LEKR1: variants seen among roughly 807,000 people sequenced by gnomAD.
The protein encoded by LEKR1 is leucine, glutamate and lysine rich 1.
Under a neutral mutation model 72.4 loss-of-function variants are expected in LEKR1, and 59 were observed. The observed-to-expected ratio is 0.82, with a 90% CI of 0.66 to 1.01. The LOEUF is 1.01. LEKR1 is among the 50% of genes least tolerant of loss of function. LEKR1 has a pLI of 0.00. For synonymous variants in LEKR1, 257 were observed against 263.2 expected (o/e 0.98, Z 0.23); for missense variants, 728 against 759.2 (o/e 0.96, Z 0.48).
At position 157,011,413 on chromosome 3, in the gene LEKR1, G is replaced by A. The variant is rs781452682; in HGVS notation, c.1110G>A (p.Arg370=). The A allele has an allele frequency of 7.5e-6, 12 of 1,610,168 alleles. No homozygotes were observed. ...REEVLTLKNE[R]ELMLISHQKS... ...CATTTGTCGGGTTTGTGATTTTCAG[G>A]GAATTGATGCTGATTTCACATCAGA... Residue 370 remains arginine (R), a splice_region_variant and synonymous_variant, in exon 10 of 13, where the codon AGG becomes AGA. Coordinates refer to ENST00000356539, the MANE Select transcript of LEKR1 (RefSeq NM_001004316.3).
chr3:157,012,903 GT>G (rs1733007498), intron 10 of LEKR1, among the ~76,000 whole-genome samples: 1 of 151,750 alleles, frequency 6.6e-6, no homozygotes, highest in Non-Finnish European at 1.5e-5. Flanking sequence ...ACCAATCTAT[GT>G]TTAAAAATTG....
At chr3:157,015,112 T>G (rs1189282454) in intron 10 of LEKR1, among the ~76,000 whole-genome samples, 2 of 152,278 alleles carry the variant, frequency 1.3e-5, no homozygotes, top group Non-Finnish European at 2.9e-5. Flanking sequence ...TGCCATAACT[T>G]AGTGCCCTGA....
intron 3 of LEKR1, among the ~76,000 whole-genome samples, chr3:156,874,456 T>C (rs1341625259): frequency 6.6e-6 from 1 of 152,200 alleles, no homozygotes; most frequent in Non-Finnish European, 1.5e-5. Flanking sequence ...AAACTAGTAG[T>C]TCTCCTTATA....
chr3:156,924,818 T>C (rs949778299), intron 4 of LEKR1: 2 of 272,570 alleles, frequency 7.3e-6, no homozygotes, highest in African/African-American at 4.4e-5. Context: ...ATGTCTTATG[T>C]CAGTGCCACA....
intron 6 of LEKR1, among the ~76,000 whole-genome samples, chr3:156,945,554 T>C (rs1383666515): frequency 6.6e-6 from 1 of 151,850 alleles, no homozygotes; most frequent in African/African-American, 2.4e-5. Context: ...GTTTCCCTAA[T>C]GTTTTCTTTT....
chr3:156,873,026 G>C (rs62275180), intron 3 of LEKR1, among the ~76,000 whole-genome samples: 4,824 of 151,972 alleles, frequency 0.032, 114 homozygotes, highest in Non-Finnish European at 0.047. Flanking sequence ...TGAAAGTAGG[G>C]TGTTGAAGTC....
At chr3:156,852,127 A>C (rs757029162) in intron 2 of LEKR1, 4 of 152,204 alleles carry the variant, frequency 2.6e-5, no homozygotes, top group Non-Finnish European at 4.4e-5. Context: ...GCTTCTCCGC[A>C]TATCAGCTGG....
intron 12 of LEKR1, among the ~76,000 whole-genome samples, chr3:157,043,213 C>G (rs1028742059): frequency 6.6e-6 from 1 of 152,228 alleles, no homozygotes; most frequent in African/African-American, 2.4e-5. Flanking sequence ...CCTGTACAGG[C>G]TGCAGAATCA....
rs114319724 is a variant in LEKR1 at position 157,039,916 on chromosome 3, G to A, written c.1669-5424G>A. ...GAACATAATAAATTAGAATATTTAC[G>A]TCTTTTTTAAAGAGTAAGAGGGTAA... On this transcript the variant is annotated intron_variant, in intron 12 of 12. Transcript: ENST00000356539. 2.1e-3 allele frequency among the ~76,000 whole-genome samples: 318 copies of A among 152,236 alleles called. 5 individuals are homozygous for A. Among genetic ancestry groups the A allele is most frequent in the African/African-American group, 6.9e-3 (286 of 41,552 alleles).
intron 7 of LEKR1, among the ~76,000 whole-genome samples, chr3:156,982,922 A>T (rs976730660): frequency 6.6e-6 from 1 of 152,044 alleles, no homozygotes; most frequent in African/African-American, 2.4e-5. Context: ...AGAGCTAGAG[A>T]CAGGTAGCAT....
chr3:156,913,223 A>G (rs1285362194), intron 3 of LEKR1, among the ~76,000 whole-genome samples: 5 of 152,182 alleles, frequency 3.3e-5, no homozygotes, highest in African/African-American at 1.2e-4. Context: ...TTCTTTTTGC[A>G]GTATGGCTAT....
chr3:156,991,352 C>T (rs1199081193), intron 7 of LEKR1, among the ~76,000 whole-genome samples: 5 of 151,748 alleles, frequency 3.3e-5, no homozygotes, highest in African/African-American at 1.2e-4. Context: ...CTGTATCTTA[C>T]AATTTTGTTA....
At chr3:156,975,534 T>A (rs1462331916) in intron 6 of LEKR1, among the ~76,000 whole-genome samples, 1 of 152,184 alleles carries the variant, frequency 6.6e-6, no homozygotes, top group East Asian at 1.9e-4. Context: ...TCCAAGTGAC[T>A]ATGAAGTTTT....
At chr3:156,850,481 G>A (rs1179223310) in intron 2 of LEKR1, among the ~76,000 whole-genome samples, 1 of 152,142 alleles carries the variant, frequency 6.6e-6, no homozygotes, top group Non-Finnish European at 1.5e-5. Context: ...AGAGTTTGGG[G>A]TATAAGACAG....
In LEKR1 at chr3:156,853,691, A is replaced by G. The variant is rs1715674883; in HGVS notation, c.263+709A>G. Among the ~76,000 whole-genome samples the G allele has an allele frequency of 2.0e-5, 3 of 152,212 alleles. No individual in the cohort carries two copies. In the South Asian group the frequency reaches 6.2e-4, roughly 32 times the overall value. On this transcript the variant is annotated intron_variant, in intron 3 of 12. Transcript: ENST00000356539. ...AAGTCTCTTTGGATTAAATACTTTTATTAAATTTTGTTACAGAATTTTATA... is the reference window on the plus strand; with the variant it reads ...AAGTCTCTTTGGATTAAATACTTTTGTTAAATTTTGTTACAGAATTTTATA...
intron 3 of LEKR1, among the ~76,000 whole-genome samples, chr3:156,861,536 G>C (rs752794285): frequency 6.6e-6 from 1 of 152,054 alleles, no homozygotes; most frequent in Non-Finnish European, 1.5e-5. Flanking sequence ...ATTTTGGGGT[G>C]TGGTAAGAAT....
chr3:156,933,676 T>C (rs1311475055), intron 5 of LEKR1, among the ~76,000 whole-genome samples: 1 of 152,226 alleles, frequency 6.6e-6, no homozygotes, highest in Non-Finnish European at 1.5e-5. Flanking sequence ...TGTTTACATT[T>C]GTGTTGCATT....
chr3:156,840,451 A>G (rs988423460), intron 2 of LEKR1, among the ~76,000 whole-genome samples: 6 of 152,212 alleles, frequency 3.9e-5, no homozygotes, highest in African/African-American at 1.4e-4. Flanking sequence ...ATTTTTAAAA[A>G]TCTCTTTGAA....
chr3:156,851,548 A>G (rs1000299037), intron 2 of LEKR1, among the ~76,000 whole-genome samples: 6 of 152,202 alleles, frequency 3.9e-5, no homozygotes, highest in South Asian at 2.1e-4. Flanking sequence ...TTATAAATCT[A>G]TACATTTTAT....
Sources: allele counts gnomAD v4.1 joint callset (sites outside exome capture counted in the v4.1 genomes callset), GRCh38; gene constraint gnomAD v4.1.1; transcripts MANE v1.5; gene names NCBI Gene and HGNC (gene_info 2026-07-23, HGNC 2026-07-21).